The following UBE2E2 variants were observed in gnomAD, a reference collection of about 807,000 sequenced individuals.
UBE2E2 encodes ubiquitin-conjugating enzyme E2 E2.
In UBE2E2, 6 loss-of-function variants were observed where a neutral mutation model predicts 24.7. The ratio of observed to expected loss-of-function variants is 0.24; its 90% CI spans 0.13 to 0.48. The LOEUF (loss-of-function observed/expected upper bound fraction) is 0.48, where lower values mean the gene tolerates loss of function less well. UBE2E2 is among the 20% of genes least tolerant of loss of function. The pLI, the probability that UBE2E2 is intolerant of heterozygous loss-of-function variation, is 0.99. For synonymous variants in UBE2E2, 104 were observed against 83.6 expected (o/e 1.24, Z -1.33); for missense variants, 169 against 245.0 (o/e 0.69, Z 2.07).
chr3:23,480,149 G>A (rs117824143), intron 3 of UBE2E2, among the ~76,000 whole-genome samples: 27 of 152,312 alleles, frequency 1.8e-4, no homozygotes, highest in African/African-American at 4.6e-4. Context: ...CAAGCTGCCC[G>A]CAGTGCCCCC....
intron 3 of UBE2E2, among the ~76,000 whole-genome samples, chr3:23,376,883 G>A (rs1038736745): frequency 6.6e-6 from 1 of 152,138 alleles, no homozygotes; most frequent in African/African-American, 2.4e-5. Flanking sequence ...GGTGTGATGT[G>A]ACATTCGCAA....
chr3:23,218,475 TTTG>T (rs1301253721), intron 3 of UBE2E2, among the ~76,000 whole-genome samples: 1 of 152,082 alleles, frequency 6.6e-6, no homozygotes, highest in Non-Finnish European at 1.5e-5. Flanking sequence ...AGTGGATGGA[TTTG>T]TGGAAAAACC....
chr3:23,354,040 T>C (rs1324810838), intron 3 of UBE2E2, among the ~76,000 whole-genome samples: 7 of 152,104 alleles, frequency 4.6e-5, no homozygotes, highest in East Asian at 1.9e-4. Flanking sequence ...AAAACAGAGA[T>C]ATAGATCAGC....
At chr3:23,473,164 C>G (rs77326826) in intron 3 of UBE2E2, among the ~76,000 whole-genome samples, 1 of 151,828 alleles carries the variant, frequency 6.6e-6, no homozygotes, top group Non-Finnish European at 1.5e-5. Flanking sequence ...TGCCTTTCCC[C>G]CACTCTATCA....
chr3:23,509,408 T>C, intron 4 of UBE2E2, among the ~76,000 whole-genome samples: 1 of 152,248 alleles, frequency 6.6e-6, no homozygotes, highest in East Asian at 1.9e-4. Context: ...AGTATAATAT[T>C]CTCCACTTTA....
At chr3:23,369,450 G>C (rs1696343392) in intron 3 of UBE2E2, among the ~76,000 whole-genome samples, 1 of 152,110 alleles carries the variant, frequency 6.6e-6, no homozygotes, top group African/African-American at 2.4e-5. Flanking sequence ...GACAAATAAT[G>C]GGATTGCATT....
intron 5 of UBE2E2, among the ~76,000 whole-genome samples, chr3:23,586,087 G>T (rs532802176): frequency 1.3e-5 from 2 of 152,030 alleles, no homozygotes; most frequent in Non-Finnish European, 2.9e-5. Flanking sequence ...AGCTCTTCAG[G>T]ATTATTCCAC....
intron 3 of UBE2E2, among the ~76,000 whole-genome samples, chr3:23,435,371 A>C (rs1020530504): frequency 1.3e-5 from 2 of 152,226 alleles, no homozygotes; most frequent in African/African-American, 4.8e-5. Context: ...TTGGAGATAA[A>C]AGTTAAGTTA....
intron 3 of UBE2E2, among the ~76,000 whole-genome samples, chr3:23,405,344 A>G (rs929716730): frequency 1.6e-4 from 24 of 152,334 alleles, no homozygotes; most frequent in African/African-American, 5.8e-4. Flanking sequence ...CAACTAACAC[A>G]GTGCCTAATG....
chr3:23,349,569 C>G (rs532008930), intron 3 of UBE2E2, among the ~76,000 whole-genome samples: 2 of 152,336 alleles, frequency 1.3e-5, no homozygotes, highest in East Asian at 3.9e-4. Context: ...AAACGGCGCA[C>G]CAGGAGATTA....
intron 3 of UBE2E2, among the ~76,000 whole-genome samples, chr3:23,403,085 T>G (rs1035755951): frequency 1.3e-5 from 2 of 152,216 alleles, no homozygotes; most frequent in African/African-American, 2.4e-5. Flanking sequence ...TGTAAATGGT[T>G]TGTATACATT....
Position 23,443,135 on chromosome 3 carries a change from C to G in UBE2E2, c.228-56473C>G, listed in dbSNP as rs376828125. 1.4e-4 allele frequency among the ~76,000 whole-genome samples: 22 copies of G among 152,220 alleles called. No homozygotes were observed. In the South Asian group the frequency reaches 4.4e-3, roughly 30 times the overall value. ...TGGACCAAGTGTTAGGTCTTCTTCT[C>G]TTTTCTCTTCCTACTCTGTCTTTCC... is the stretch of plus-strand genomic sequence containing the variant. On this transcript the variant is annotated intron_variant, in intron 3 of 5. Transcript: ENST00000396703.
intron 3 of UBE2E2, among the ~76,000 whole-genome samples, chr3:23,335,992 A>T (rs1310599305): frequency 1.3e-5 from 2 of 152,226 alleles, no homozygotes; most frequent in Non-Finnish European, 2.9e-5. Context: ...CGTGTTCATC[A>T]TTCTCTCAGA....
At chr3:23,531,579 A>C (rs1695123580) in intron 4 of UBE2E2, among the ~76,000 whole-genome samples, 1 of 152,218 alleles carries the variant, frequency 6.6e-6, no homozygotes. Flanking sequence ...TAGCTATCAC[A>C]GGGCAAAGGT....
At chr3:23,468,007 A>G (rs1318916302) in intron 3 of UBE2E2, among the ~76,000 whole-genome samples, 1 of 152,180 alleles carries the variant, frequency 6.6e-6, no homozygotes, top group African/African-American at 2.4e-5. Flanking sequence ...ATCTCCCACC[A>G]GGTCCCTCCT....
At chr3:23,434,104 T>C (rs1698129382) in intron 3 of UBE2E2, among the ~76,000 whole-genome samples, 1 of 152,140 alleles carries the variant, frequency 6.6e-6, no homozygotes, top group African/African-American at 2.4e-5. Context: ...GAGTAAAAGT[T>C]AATGCTTTTG....
At chr3:23,352,010 G>T (rs1465474467) in intron 3 of UBE2E2, among the ~76,000 whole-genome samples, 1 of 152,072 alleles carries the variant, frequency 6.6e-6, no homozygotes, top group Non-Finnish European at 1.5e-5. Flanking sequence ...AAATGTAAAA[G>T]AACAGAAATT....
intron 3 of UBE2E2, among the ~76,000 whole-genome samples, chr3:23,426,407 A>T (rs115376100): frequency 0.041 from 5,213 of 127,828 alleles, 139 homozygotes; most frequent in Non-Finnish European, 0.059. Context: ...AGAAAGCATT[A>T]GGATAAATGC....
chr3:23,364,466 CA>C (rs950240991), intron 3 of UBE2E2, among the ~76,000 whole-genome samples: 2 of 151,902 alleles, frequency 1.3e-5, no homozygotes, highest in African/African-American at 2.4e-5. Flanking sequence ...AACAGAAATA[CA>C]AAAAAACCCC....
Sources: gnomAD v4.1 joint callset for allele counts (sites outside exome capture counted in the v4.1 genomes callset) on GRCh38, gnomAD v4.1.1 for gene constraint, MANE v1.5 for transcripts, NCBI Gene and HGNC (gene_info 2026-07-23, HGNC 2026-07-21) for gene names.